Variants in TET1 observed in about 807,000 individuals in gnomAD.
TET1 encodes the protein methylcytosine dioxygenase TET1.
In TET1, 13 loss-of-function variants were observed where a neutral mutation model predicts 148.7. That is an observed-to-expected ratio of 0.09 (90% confidence interval 0.06 to 0.14). The LOEUF is 0.14. Among genes scored for constraint, TET1 ranks in the 10% least tolerant of loss-of-function variants. The pLI, the probability that TET1 is intolerant of heterozygous loss-of-function variation, is 1.00. For synonymous variants in TET1, 907 were observed against 937.2 expected, an observed-to-expected ratio of 0.97 and a Z score of 0.59; for missense variants, 2,182 against 2,553.8, an observed-to-expected ratio of 0.85 and a Z score of 3.14.
In TET1 at chr10:68,646,198, G is replaced by A. The variant is rs761473647; in HGVS notation, c.3469G>A (p.Asp1157Asn). The change falls in exon 4 of 12, where the codon GAT becomes AAT. Residue 1157 changes from aspartate to asparagine, a missense_variant. Physicochemically the swap from Asp to Asn is conservative, Grantham distance 23. Around this residue, in one of 11 missense-constraint regions of TET1, gnomAD observed 582 missense variants for 599.5 expected, o/e 0.97. Coordinates refer to ENST00000373644, the MANE Select transcript of TET1 (RefSeq NM_030625.3). The part of the protein sequence containing the change: ...QKKTKSTPSR[D>N]RRKKKPTVVS... ...AAAGACAAAATCCACCCCATCAAGA[G>A]ATCGGCGGAAAAAGAAGCCCACAGT... 1 of 1,613,994 alleles carries A rather than the reference G, an allele frequency of 6.2e-7. No individual in the cohort carries two copies. The highest frequency in any genetic ancestry group is 8.5e-7 in the Non-Finnish European group (1 of 1,180,008).
At chr10:68,594,868 A>T (rs1278435242) in intron 2 of TET1, among the ~76,000 whole-genome samples, 1 of 151,654 alleles carries the variant, frequency 6.6e-6, no homozygotes, top group African/African-American at 2.4e-5. Context: ...AATCCCAGGT[A>T]CTCAGGAGCC....
At chr10:68,675,012 G>A in intron 8 of TET1, 1 of 410,370 alleles carries the variant, frequency 2.4e-6, no homozygotes, top group Non-Finnish European at 4.5e-6. Flanking sequence ...GCTTTATGGT[G>A]AAGGTAGCAG....
At chr10:68,647,143 T>C (rs2054862821) in intron 4 of TET1, 138 bp downstream of exon 4, 4 of 961,838 alleles carry the variant, frequency 4.2e-6, no homozygotes, top group Non-Finnish European at 4.4e-6. Flanking sequence ...TAAGTAAATC[T>C]ATAACCATTT....
At chr10:68,652,071 C>G (rs533595082) in intron 5 of TET1, 135 bp downstream of exon 5, 14 of 801,110 alleles carry the variant, frequency 1.7e-5, no homozygotes, top group African/African-American at 1.2e-4. Context: ...TAGGGCCCAA[C>G]AAAAGAGGGG....
intron 2 of TET1, among the ~76,000 whole-genome samples, chr10:68,591,158 G>A (rs1323730631): frequency 6.6e-6 from 1 of 152,134 alleles, no homozygotes; most frequent in Non-Finnish European, 1.5e-5. Flanking sequence ...TCCCATTTAT[G>A]CATTTTAAAC....
At chr10:68,665,709 A>G (rs1564500690) in intron 6 of TET1, among the ~76,000 whole-genome samples, 4 of 151,790 alleles carry the variant, frequency 2.6e-5, no homozygotes, top group Admixed American at 2.6e-4. Flanking sequence ...TATATATATA[A>G]TTTTGCATTT....
chr10:68,638,785 G>GTA (rs1364849790), intron 3 of TET1, among the ~76,000 whole-genome samples: 2 of 150,982 alleles, frequency 1.3e-5, no homozygotes, highest in African/African-American at 4.9e-5. Flanking sequence ...GTGTGTGTGT[G>GTA]TGTGTGTGTG....
chr10:68,617,065 C>T (rs1437664168), intron 3 of TET1, among the ~76,000 whole-genome samples: 3 of 106,534 alleles, frequency 2.8e-5, no homozygotes, highest in Non-Finnish European at 5.3e-5. Context: ...CTTGCTCTAT[C>T]GCCCAGGCTG....
intron 2 of TET1, among the ~76,000 whole-genome samples, chr10:68,588,145 G>A (rs1334843510): frequency 1.3e-5 from 2 of 152,054 alleles, no homozygotes; most frequent in South Asian, 2.1e-4. Context: ...TACAGGCGTC[G>A]GCCACCTTGC....
In TET1 at chr10:68,572,693, C is replaced by A. The variant is rs568924164; in HGVS notation, c.355C>A (p.Pro119Thr). 2 of 1,614,018 alleles carry A rather than the reference C, an allele frequency of 1.2e-6. No individual in the cohort carries two copies. The highest frequency in any genetic ancestry group is 1.3e-5 in the African/African-American group (1 of 74,902). The change falls in exon 2 of 12, where the codon CCA becomes ACA. Residue 119 changes from proline (P) to threonine (T), a missense_variant. Physicochemically the swap from Pro to Thr is conservative, Grantham distance 38. Around this residue, in one of 11 missense-constraint regions of TET1, gnomAD observed 665 missense variants for 672.4 expected, o/e 0.99. Transcript: ENST00000373644. ...TSLSRRLSQPPLVVAKSKKVP... is the reference protein window; with the variant it reads ...TSLSRRLSQPTLVVAKSKKVP... The stretch of plus-strand genomic sequence containing the variant: ...TCTTAGCAGGCGACTCTCCCAACCC[C>A]CACTGGTCGTAGCCAAATCCAAAAA...
intron 4 of TET1, among the ~76,000 whole-genome samples, chr10:68,649,896 C>T (rs1385937933): frequency 6.6e-6 from 1 of 152,120 alleles, no homozygotes; most frequent in African/African-American, 2.4e-5. Flanking sequence ...ATTAGTAAAT[C>T]ATTACATGTA....
chr10:68,605,786 A>C (rs2054115512), intron 3 of TET1, among the ~76,000 whole-genome samples: 1 of 152,204 alleles, frequency 6.6e-6, no homozygotes, highest in Non-Finnish European at 1.5e-5. Context: ...AAATGCTGGG[A>C]TTACAGGTGT....
chr10:68,595,661 G>T (rs2053970235), intron 2 of TET1, among the ~76,000 whole-genome samples: 1 of 119,940 alleles, frequency 8.3e-6, no homozygotes, highest in Non-Finnish European at 1.6e-5. Context: ...ATGTCACCCA[G>T]GCTGGAGTGC....
rs2055208525 is a variant in TET1, at chr10:68,667,350, G to T, written c.4673+94G>T. ...AGCTACCAACTATGTATATTATATG[G>T]GAGAATAGGATTTGAGTATTGTGGA... On this transcript the variant is annotated intron_variant, in intron 7 of 11. Transcript: ENST00000373644. 5 of 1,018,150 alleles carry T rather than the reference G, an allele frequency of 4.9e-6. 1 individual carries two copies. In the South Asian group the frequency reaches 8.4e-5, roughly 17 times the overall value. The allele number at this position is 1,018,150 out of a possible 1,614,324, so 63.1% of individuals were successfully genotyped here.
chr10:68,644,892 C>T lies in TET1; in HGVS notation c.2163C>T (p.His721=), dbSNP rs537698729. Reference sequence around the variant, plus strand: ...ACAAGAAATCACAGTTAACTGATCACGTGAAAGGAGATTTTAGTGCTAATG... The same window carrying T: ...ACAAGAAATCACAGTTAACTGATCATGTGAAAGGAGATTTTAGTGCTAATG... The part of the protein sequence containing the change: ...TQNKKSQLTD[H]VKGDFSANVP... Residue 721 remains histidine, a synonymous_variant, in exon 4 of 12, where the codon CAC becomes CAT. Coordinates refer to ENST00000373644, the MANE Select transcript of TET1 (RefSeq NM_030625.3). 40 of 1,612,692 alleles carry T rather than the reference C, an allele frequency of 2.5e-5. No homozygotes were observed. The highest frequency in any genetic ancestry group is 3.3e-5 in the Admixed American group (2 of 59,748).
At chr10:68,593,915 ATTTTTTTTTTTTTTTT>A (rs3998851) in intron 2 of TET1, among the ~76,000 whole-genome samples, 1 of 44,724 alleles carries the variant, frequency 2.2e-5, no homozygotes, top group Non-Finnish European at 4.0e-5. Context: ...CGCCTGAGCT[ATTTTTTTTTTTTTTTT>A]TTTTTTTTTT....
chr10:68,635,165 T>C (rs1212884430), intron 3 of TET1, among the ~76,000 whole-genome samples: 3 of 151,772 alleles, frequency 2.0e-5, no homozygotes, highest in African/African-American at 7.3e-5. Flanking sequence ...CTGGAATTAC[T>C]AGGTTTTTCT....
rs2055527765 is a variant in TET1, at chr10:68,687,251, G to T, written c.5404+544G>T. ...ACATATTCTTTTTTTATGGCATGGG[G>T]AGGGGTCTCACTTTATTGCCCAGGC... On this transcript the variant is annotated intron_variant, in intron 11 of 11. Transcript: ENST00000373644. Among the ~76,000 whole-genome samples the T allele has an allele frequency of 2.6e-5, 4 of 151,348 alleles. No homozygotes were observed. In the Admixed American group the frequency reaches 2.6e-4, roughly 10 times the overall value.
At chr10:68,620,966 A>G (rs2054361687) in intron 3 of TET1, among the ~76,000 whole-genome samples, 1 of 152,202 alleles carries the variant, frequency 6.6e-6, no homozygotes, top group African/African-American at 2.4e-5. Flanking sequence ...CTATCTATTC[A>G]TATTTAAATT....
Sources: gnomAD v4.1 joint callset for allele counts (sites outside exome capture counted in the v4.1 genomes callset) on GRCh38, gnomAD v4.1.1 for gene constraint, gnomAD v4.1.1 regional missense constraint, MANE v1.5 for transcripts, NCBI Gene and HGNC (gene_info 2026-07-23, HGNC 2026-07-21) for gene names.